Variants in PKNOX2 observed in about 807,000 individuals in gnomAD.
PKNOX2 encodes PBX/knotted 1 homeobox 2.
Under a neutral mutation model 53.1 loss-of-function variants are expected in PKNOX2, and 14 were observed. The ratio of observed to expected loss-of-function variants is 0.26; its 90% CI spans 0.17 to 0.41. The LOEUF (loss-of-function observed/expected upper bound fraction) is 0.41. Among genes scored for constraint, PKNOX2 ranks in the 10% least tolerant of loss-of-function variants. PKNOX2 has a pLI of 1.00. For missense variants in PKNOX2, 496 were observed against 602.8 expected, an observed-to-expected ratio of 0.82 and a Z score of 1.85; for synonymous variants, 257 against 242.8, an observed-to-expected ratio of 1.06 and a Z score of -0.54.
At chr11:125,328,146 C>T (rs753698832) in intron 2 of PKNOX2, among the ~76,000 whole-genome samples, 1 of 152,184 alleles carries the variant, frequency 6.6e-6, no homozygotes, top group African/African-American at 2.4e-5. Context: ...GGAGGCCACA[C>T]CAGGCAGGCA....
intron 1 of PKNOX2, among the ~76,000 whole-genome samples, chr11:125,189,439 GTGTGTGTGTATATA>G (rs1390253170): frequency 4.2e-4 from 24 of 56,752 alleles, no homozygotes; most frequent in Non-Finnish European, 5.9e-4. Flanking sequence ...GTGTGTGTGT[GTGTGTGTGTATATA>G]TATATATATA....
rs187241345 is a variant in PKNOX2, at chr11:125,299,236, A to C, written c.-129-32583A>C. On this transcript the variant is annotated intron_variant, in intron 2 of 12. Transcript: ENST00000298282. ...TGGGGAGAGCACCAAGCCGTTCATG[A>C]GGAACCCACCTCCACGATCTGAACA... Among the ~76,000 whole-genome samples the C allele has an allele frequency of 1.6e-3, 238 of 152,310 alleles. 3 individuals are homozygous for C. The highest frequency in any genetic ancestry group is 2.9e-4 in the Non-Finnish European group (20 of 68,016).
rs77937367 is a variant in PKNOX2, at chr11:125,166,299, G to A, written c.-201+1523G>A. Among the ~76,000 whole-genome samples the A allele has an allele frequency of 6.6e-6, 1 of 152,120 alleles. No individual in the cohort carries two copies. Among genetic ancestry groups the A allele is most frequent in the African/African-American group, 2.4e-5 (1 of 41,418 alleles). On this transcript the variant is annotated intron_variant, in intron 1 of 12. Coordinates refer to ENST00000298282, the MANE Select transcript of PKNOX2 (RefSeq NM_001382323.2). The surrounding 1 kb of genome is among the most constrained non-coding windows in gnomAD (Gnocchi z 4.0). The stretch of plus-strand genomic sequence containing the variant: ...CCTGCAGCTCCGCGTGTGAAAAAGC[G>A]TTTAGGTAGGCGATGAAAGTAGTTG...
rs544175827 is a variant in PKNOX2, at chr11:125,288,440, T to C, written c.-129-43379T>C. On this transcript the variant is annotated intron_variant, in intron 2 of 12. Transcript: ENST00000298282. ...CTTCTCCATCACAAACACTTCCTGA[T>C]TGAGGCCGTGGTGAGCCCGAGGTCA... Among the ~76,000 whole-genome samples the C allele has an allele frequency of 4.6e-5, 7 of 152,332 alleles. No individual in the cohort carries two copies. In the South Asian group the frequency reaches 6.2e-4, roughly 14 times the overall value.
At chr11:125,232,663 T>C (rs1942312051) in intron 1 of PKNOX2, among the ~76,000 whole-genome samples, 1 of 152,180 alleles carries the variant, frequency 6.6e-6, no homozygotes, top group Non-Finnish European at 1.5e-5. Flanking sequence ...AAACTACATA[T>C]AGAACTAATA....
In PKNOX2 at chr11:125,405,964, C is replaced by T. The variant is rs539052377; in HGVS notation, c.589-4232C>T. ...GATAACCAGCTGTCATCCCCAGGTT[C>T]CTGGATAATTCCAGCAGGGATGTGA... On this transcript the variant is annotated intron_variant, in intron 7 of 12. Coordinates refer to ENST00000298282, the MANE Select transcript of PKNOX2 (RefSeq NM_001382323.2). Among the ~76,000 whole-genome samples, 27 of 152,286 alleles carry T rather than the reference C, an allele frequency of 1.8e-4. 1 individual carries two copies. The South Asian group carries it at 5.6e-3, about 32-fold the overall frequency.
At chr11:125,374,866 C>A (rs1392480650) in intron 5 of PKNOX2, among the ~76,000 whole-genome samples, 1 of 151,236 alleles carries the variant, frequency 6.6e-6, no homozygotes. Flanking sequence ...AGAAGGACTG[C>A]ACCGGGTCTG....
chr11:125,244,266 G>T (rs530050330), intron 2 of PKNOX2, among the ~76,000 whole-genome samples: 2 of 152,382 alleles, frequency 1.3e-5, no homozygotes, highest in African/African-American at 4.8e-5. Flanking sequence ...TCCCCTGTAG[G>T]TGGGTGTCTG....
At chr11:125,325,421 G>A (rs1949770337) in intron 2 of PKNOX2, among the ~76,000 whole-genome samples, 1 of 152,180 alleles carries the variant, frequency 6.6e-6, no homozygotes, top group Non-Finnish European at 1.5e-5. Flanking sequence ...TTTGGACTTT[G>A]TCTTGGAGAT....
At chr11:125,395,953 CTTTTT>C (rs949920113) in intron 6 of PKNOX2, among the ~76,000 whole-genome samples, 1 of 131,900 alleles carries the variant, frequency 7.6e-6, no homozygotes, top group South Asian at 2.5e-4. Flanking sequence ...ACTGGATCAT[CTTTTT>C]TTTTTTTTTT....
At chr11:125,281,530 T>A (rs924903695) in intron 2 of PKNOX2, among the ~76,000 whole-genome samples, 13 of 152,330 alleles carry the variant, frequency 8.5e-5, no homozygotes, top group African/African-American at 2.9e-4. Flanking sequence ...ATTTATCAAA[T>A]GGGGATAATA....
At chr11:125,377,854 G>C (rs1007772951) in intron 5 of PKNOX2, among the ~76,000 whole-genome samples, 1 of 152,238 alleles carries the variant, frequency 6.6e-6, no homozygotes, top group Non-Finnish European at 1.5e-5. Flanking sequence ...ATTTAAAGCC[G>C]TTCTAGGCTC....
chr11:125,410,035 C>A (rs891312706), intron 7 of PKNOX2, 161 bp from the exon 8 acceptor site: 6 of 944,418 alleles, frequency 6.4e-6, no homozygotes, highest in Non-Finnish European at 9.2e-6. Context: ...TTCACCCTTT[C>A]TAGGAAACCA....
rs929232346 is a variant in PKNOX2, at chr11:125,410,850, G to A, written c.790G>A (p.Gly264Arg). Reference sequence around the variant, plus strand: ...GGTGGTCACCCAAGCAATCCCCCAGGGAGCCATCCAGATCCAGAACACACA... The same window carrying A: ...GGTGGTCACCCAAGCAATCCCCCAGAGAGCCATCCAGATCCAGAACACACA... ...GQVVTQAIPQ[G>R]AIQIQNTQVN... The change falls in exon 9 of 13, where the codon GGA (glycine) becomes AGA (arginine). Residue 264 changes from glycine (G) to arginine (R), a missense_variant. Transcript: ENST00000298282. The A allele has an allele frequency of 1.2e-6, 2 of 1,613,926 alleles. No homozygotes were observed. Among genetic ancestry groups the A allele is most frequent in the African/African-American group, 2.7e-5 (2 of 74,904 alleles).
At chr11:125,244,354 A>G (rs1268949209) in intron 2 of PKNOX2, among the ~76,000 whole-genome samples, 1 of 151,946 alleles carries the variant, frequency 6.6e-6, no homozygotes. Flanking sequence ...CCTGTTGCCG[A>G]CCTCTAGAGG....
Position 125,297,558 on chromosome 11 carries a change from C to T in PKNOX2, c.-129-34261C>T, listed in dbSNP as rs577455339. On this transcript the variant is annotated intron_variant, in intron 2 of 12. Transcript: ENST00000298282. ...GGAGGAGGTGACATTTGCGATGACTCTTTGCAAATGAGTGTTGTGCACTTA... is the reference window on the plus strand; with the variant it reads ...GGAGGAGGTGACATTTGCGATGACTTTTTGCAAATGAGTGTTGTGCACTTA... 3.3e-4 allele frequency among the ~76,000 whole-genome samples: 51 copies of T among 152,282 alleles called. No homozygotes were observed. In the South Asian group the frequency reaches 0.01, roughly 31 times the overall value.
intron 2 of PKNOX2, among the ~76,000 whole-genome samples, chr11:125,247,567 C>T (rs1591495131): frequency 6.6e-6 from 1 of 152,204 alleles, no homozygotes; most frequent in Non-Finnish European, 1.5e-5. Flanking sequence ...ATGCCTTCCC[C>T]TCTCGTTAGC....
chr11:125,304,675 T>C (rs909733239), intron 2 of PKNOX2, among the ~76,000 whole-genome samples: 5 of 152,238 alleles, frequency 3.3e-5, no homozygotes, highest in Admixed American at 6.5e-5. Flanking sequence ...AGCAATGTCC[T>C]TCTCTGGAGA....
intron 2 of PKNOX2, among the ~76,000 whole-genome samples, chr11:125,246,602 CT>C (rs1943582188): frequency 6.6e-6 from 1 of 152,144 alleles, no homozygotes; most frequent in Non-Finnish European, 1.5e-5. Flanking sequence ...GCTCAAATGT[CT>C]GCTGTCCCAC....
Sources: allele counts gnomAD v4.1 joint callset (sites outside exome capture counted in the v4.1 genomes callset), GRCh38; gene constraint gnomAD v4.1.1; non-coding constraint Gnocchi (gnomAD v3.1); transcripts MANE v1.5; gene names NCBI Gene and HGNC (gene_info 2026-07-23, HGNC 2026-07-21).